The following C6orf120 variants were observed in gnomAD, a reference collection of about 807,000 sequenced individuals.
The protein encoded by C6orf120 is UPF0669 protein C6orf120.
For synonymous variants in C6orf120, 165 were observed against 123.1 expected (o/e 1.34, Z -2.25); for missense variants, 311 against 264.2 (o/e 1.18, Z -1.23).
At chr6:169,702,269 G>C in exon 1 of C6orf120, 1 of 691,634 alleles carries the variant, frequency 1.4e-6, no homozygotes, top group Non-Finnish European at 2.6e-6. Context: ...GCGCTACGGG[G>C]GAGGGGTTAA....
chr6:169,705,316 G>A, downstream of C6orf120: 1 of 1,604,064 alleles, frequency 6.2e-7, no homozygotes, highest in Non-Finnish European at 8.5e-7. Context: ...AGGCAAGAAG[G>A]ATGGCCTAAA....
exon 1 of C6orf120, chr6:169,704,702 T>C (rs561851934): frequency 5.8e-6 from 1 of 171,028 alleles, no homozygotes; most frequent in African/African-American, 2.4e-5. Flanking sequence ...TTAGTCCAAT[T>C]ACTGTGATTT....
downstream of C6orf120, chr6:169,705,232 T>C (rs567412578): frequency 1.9e-6 from 3 of 1,613,234 alleles, no homozygotes; most frequent in Non-Finnish European, 2.5e-6. Flanking sequence ...TGTCCACATA[T>C]AATGCATGTT....
chr6:169,702,820 C>G (rs201907552), exon 1 of C6orf120: 1 of 1,612,588 alleles, frequency 6.2e-7, no homozygotes, highest in Non-Finnish European at 8.5e-7. Context: ...CGTCTATGGA[C>G]ACCCCTCCCA....
At chr6:169,703,823 G>A in exon 1 of C6orf120, 1 of 565,636 alleles carries the variant, frequency 1.8e-6, no homozygotes, top group Non-Finnish European at 3.1e-6. Flanking sequence ...AAATACTTTG[G>A]AAGATGAATT....
At chr6:169,702,716 A>G in exon 1 of C6orf120, 1 of 1,613,460 alleles carries the variant, frequency 6.2e-7, no homozygotes, top group Non-Finnish European at 8.5e-7. Flanking sequence ...AGCAGCCTGC[A>G]CCCCAGCTTC....
exon 1 of C6orf120, chr6:169,704,082 C>A: frequency 6.3e-7 from 1 of 1,575,646 alleles, no homozygotes; most frequent in Non-Finnish European, 8.5e-7. Flanking sequence ...GTCACAAATC[C>A]AGCGACCTAG....
Position 169,703,950 on chromosome 6 carries a change from G to A in C6orf120, c.*915G>A, listed in dbSNP as rs1788649189. ...TTGGCATGAAAATAATGTTGTAAAT[G>A]GCACCAAATATTCCACTTAAATGCA... On this transcript the variant is annotated 3_prime_UTR_variant, in exon 1 of 1. Transcript: ENST00000332290. The A allele has an allele frequency of 2.2e-6, 3 of 1,339,070 alleles. No homozygotes were observed. The East Asian group carries it at 7.9e-5, about 35-fold the overall frequency. The allele number at this position is 1,339,070 out of a possible 1,614,324, so 82.9% of individuals were successfully genotyped here.
downstream of C6orf120, among the ~76,000 whole-genome samples, chr6:169,706,227 A>G (rs1324352215): frequency 5.9e-5 from 9 of 152,224 alleles, no homozygotes; most frequent in Admixed American, 5.9e-4. Flanking sequence ...GTATTTAAAA[A>G]AAAATCAGTT....
At chr6:169,704,015 G>C in exon 1 of C6orf120, 1 of 1,600,614 alleles carries the variant, frequency 6.2e-7, no homozygotes, top group Admixed American at 1.8e-5. Flanking sequence ...ATCCCTCTTT[G>C]CTGTTTTTCC....
At chr6:169,705,232 T>A (rs567412578), downstream of C6orf120, 2 of 1,613,352 alleles carry the variant, frequency 1.2e-6, no homozygotes, top group South Asian at 2.2e-5. Flanking sequence ...TGTCCACATA[T>A]AATGCATGTT....
upstream of C6orf120, chr6:169,702,164 T>C: frequency 4.9e-6 from 3 of 610,882 alleles, no homozygotes; most frequent in South Asian, 3.0e-5. Flanking sequence ...CGGGTCCGGA[T>C]GTATAAAGCG....
chr6:169,705,123 T>A (rs755407943), downstream of C6orf120: 10 of 1,580,864 alleles, frequency 6.3e-6, no homozygotes, highest in East Asian at 1.6e-4. Context: ...GCTCTTTTTT[T>A]AATCTTTACC....
downstream of C6orf120, chr6:169,705,639 T>C (rs1209191898): frequency 4.6e-6 from 7 of 1,506,836 alleles, no homozygotes; most frequent in Non-Finnish European, 6.5e-6. Context: ...TTGGGAGCAG[T>C]GTATAAGTGA....
chr6:169,703,168 C>G, exon 1 of C6orf120: 2 of 992,228 alleles, frequency 2.0e-6, no homozygotes, highest in Non-Finnish European at 2.9e-6. Flanking sequence ...TAAAGCCATA[C>G]GCAGTTTTGT....
exon 1 of C6orf120, chr6:169,703,829 G>T (rs1788626395): frequency 5.2e-6 from 3 of 573,408 alleles, no homozygotes; most frequent in Admixed American, 4.1e-5. Context: ...TTTGGAAGAT[G>T]AATTCTCTAC....
chr6:169,704,051 T>TG (rs754137375), exon 1 of C6orf120: 41 of 1,587,568 alleles, frequency 2.6e-5, no homozygotes, highest in Admixed American at 9.7e-5. Flanking sequence ...TCCTGGGTGT[T>TG]GGGGGGGCCC....
At chr6:169,705,116 C>T, downstream of C6orf120, 1 of 1,571,692 alleles carries the variant, frequency 6.4e-7, no homozygotes, top group Non-Finnish European at 8.6e-7. Flanking sequence ...AATGTTTGCT[C>T]TTTTTTTAAT....
At chr6:169,704,509 A>G (rs1788703296) in exon 1 of C6orf120, 1 of 180,520 alleles carries the variant, frequency 5.5e-6, no homozygotes, top group South Asian at 2.0e-4. Flanking sequence ...GCACTTTAAA[A>G]CTTTAACAGC....
Sources: allele counts gnomAD v4.1 joint callset (sites outside exome capture counted in the v4.1 genomes callset), GRCh38; gene constraint gnomAD v4.1.1; transcripts MANE v1.5; gene names NCBI Gene and HGNC (gene_info 2026-07-23, HGNC 2026-07-21).